ANK2: variants seen among roughly 807,000 people sequenced by gnomAD.
The protein encoded by ANK2 is ankyrin 2.
In ANK2, 83 loss-of-function variants were observed where a neutral mutation model predicts 360.5. The observed-to-expected ratio is 0.23, with a 90% CI of 0.19 to 0.28. The LOEUF (loss-of-function observed/expected upper bound fraction) is 0.28, where lower values mean the gene tolerates loss of function less well. Ranked by LOEUF, ANK2 falls within the 10% of genes least tolerant of loss-of-function variation. The pLI is 1.00. For missense variants in ANK2, 4,201 were observed against 4,795.7 expected, an observed-to-expected ratio of 0.88 and a Z score of 3.66; for synonymous variants, 1,740 against 1,759.5, an observed-to-expected ratio of 0.99 and a Z score of 0.28.
At chr4:112,998,551 T>G (rs2049459030) in intron 2 of ANK2, among the ~76,000 whole-genome samples, 1 of 152,206 alleles carries the variant, frequency 6.6e-6, no homozygotes, top group African/African-American at 2.4e-5. Flanking sequence ...TAATGACTGC[T>G]GCATATTTGA....
Position 113,363,450 on chromosome 4 carries a change from G to A in ANK2, c.10869G>A (p.Arg3623=). Residue 3623 remains arginine (R), a synonymous_variant, in exon 40 of 46, where the codon AGG becomes AGA. Coordinates refer to ENST00000357077, the MANE Select transcript of ANK2 (RefSeq NM_001148.6). The part of the protein sequence containing the change: ...SHALLKYWLE[R]DGKHATDTNL... ...CACTGTTGAAGTACTGGCTAGAGAGGGATGGGAAACATGCTACAGGTAAGT... is the reference window on the plus strand; with the variant it reads ...CACTGTTGAAGTACTGGCTAGAGAGAGATGGGAAACATGCTACAGGTAAGT... The A allele has an allele frequency of 6.2e-7, 1 of 1,613,464 alleles. No homozygotes were observed. The highest frequency in any genetic ancestry group is 8.5e-7 in the Non-Finnish European group (1 of 1,179,598).
chr4:112,898,483 C>T (rs1392932949), intron 1 of ANK2, among the ~76,000 whole-genome samples: 1 of 152,072 alleles, frequency 6.6e-6, no homozygotes, highest in African/African-American at 2.4e-5. Flanking sequence ...GTTTTGATCA[C>T]AGAATAAAGT....
intron 2 of ANK2, among the ~76,000 whole-genome samples, chr4:112,915,433 A>G (rs2089414427): frequency 6.6e-6 from 1 of 152,198 alleles, no homozygotes; most frequent in South Asian, 2.1e-4. Flanking sequence ...AATTTTAAAG[A>G]CTGGTAGCAA....
the ANK2 span, among the ~76,000 whole-genome samples, chr4:112,808,333 C>T: frequency 2.6e-5 from 4 of 152,216 alleles, no homozygotes; most frequent in Admixed American, 2.6e-4. Context: ...AAAATCATGT[C>T]AAATAGGAAA....
At chr4:113,048,047 C>T (rs1178088049), upstream of ANK2, among the ~76,000 whole-genome samples, 1 of 151,634 alleles carries the variant, frequency 6.6e-6, no homozygotes, top group East Asian at 1.9e-4. Context: ...GCAATAGCAA[C>T]ACATTTACAT....
Position 113,174,049 on chromosome 4 carries a change from G to A in ANK2, c.85-367G>A, listed in dbSNP as rs149080432. 1.3e-5 allele frequency: 3 copies of A among 222,488 alleles called. No individual in the cohort carries two copies. The East Asian group carries it at 3.9e-4, about 29-fold the overall frequency. 13.8% of individuals were successfully genotyped at this position (222,488 alleles called of 1,614,324 possible). ...CTGATTCTTTTTTGACTTGAGGTTA[G>A]CTCAGTATAAAGTCACTAGAATCTT... On this transcript the variant is annotated intron_variant, in intron 1 of 45. Coordinates refer to ENST00000357077, the MANE Select transcript of ANK2 (RefSeq NM_001148.6).
the ANK2 span, among the ~76,000 whole-genome samples, chr4:112,717,940 T>A: frequency 6.6e-6 from 1 of 152,356 alleles, no homozygotes; most frequent in South Asian, 2.1e-4. Context: ...ATAGCTGACT[T>A]AGTTCTTTCA....
the ANK2 span, among the ~76,000 whole-genome samples, chr4:112,760,240 T>G: frequency 4.6e-5 from 7 of 151,216 alleles, no homozygotes; most frequent in Admixed American, 1.3e-4. Flanking sequence ...GGGCTGGAGT[T>G]CAGTGGCGCG....
intron 2 of ANK2, among the ~76,000 whole-genome samples, chr4:112,911,576 G>T (rs1477495799): frequency 6.6e-6 from 1 of 152,076 alleles, no homozygotes; most frequent in Non-Finnish European, 1.5e-5. Flanking sequence ...TCCCACTTCA[G>T]CCTGTTGAAT....
At position 113,199,002 on chromosome 4, in the gene ANK2, C is replaced by T. The variant is rs1428896172; in HGVS notation, c.286-9C>T. On this transcript the variant is annotated splice_polypyrimidine_tract_variant and intron_variant, in intron 3 of 45. Coordinates refer to ENST00000357077, the MANE Select transcript of ANK2 (RefSeq NM_001148.6). ...CTTGAACATTTTCTATTTTGTTTCT[C>T]CAAAACAGAAGGGAAATACCGCTCT... The T allele has an allele frequency of 1.2e-6, 2 of 1,605,266 alleles. No individual in the cohort carries two copies. Among genetic ancestry groups the T allele is most frequent in the East Asian group, 4.5e-5 (2 of 44,740 alleles).
At chr4:113,365,319 G>A (rs2096479891) in intron 41 of ANK2, 137 bp downstream of exon 41, 3 of 933,426 alleles carry the variant, frequency 3.2e-6, no homozygotes, top group Admixed American at 2.1e-5. Flanking sequence ...GTGATCATAT[G>A]TTCTTTTCCT....
chr4:112,723,456 C>G, the ANK2 span, among the ~76,000 whole-genome samples: 1 of 152,180 alleles, frequency 6.6e-6, no homozygotes, highest in Admixed American at 6.5e-5. Flanking sequence ...CTCCGCCTCC[C>G]GGGTTCAAGC....
chr4:113,282,853 A>G lies in ANK2; in HGVS notation c.2060A>G (p.Asn687Ser), dbSNP rs29372. Residue 687 changes from asparagine to serine, a missense_variant, in exon 18 of 46, where the codon AAT becomes AGT. Coordinates refer to ENST00000357077, the MANE Select transcript of ANK2 (RefSeq NM_001148.6). Reference sequence around the variant, plus strand: ...ACCTTGCTTCTGGATAAGGGAGCCAATATCCACATGTCAACTAAGGTATTC... The same window carrying G: ...ACCTTGCTTCTGGATAAGGGAGCCAGTATCCACATGTCAACTAAGGTATTC... ...MVTLLLDKGA[N>S]IHMSTKSGLT... The G allele has an allele frequency of 2.2e-4, 353 of 1,613,914 alleles. No individual in the cohort carries two copies. Among genetic ancestry groups the G allele is most frequent in the Non-Finnish European group, 2.9e-4 (337 of 1,179,944 alleles).
At chr4:113,329,841 A>C (rs2091878441) in intron 26 of ANK2, among the ~76,000 whole-genome samples, 1 of 152,196 alleles carries the variant, frequency 6.6e-6, no homozygotes, top group Non-Finnish European at 1.5e-5. Flanking sequence ...GTATTATTTC[A>C]ACATGTAGAT....
rs534578488 is a variant in ANK2 at position 112,953,432 on chromosome 4, G to T, written c.21+48918G>T. Among the ~76,000 whole-genome samples, 8 of 152,340 alleles carry T rather than the reference G, an allele frequency of 5.3e-5. No individual in the cohort carries two copies. In the East Asian group the frequency reaches 1.5e-3, roughly 29 times the overall value. ...CAGGCCAGAGTCTCTTATGACATTC[G>T]AAGTAGGGAGATGTTAATGATGAGG... On this transcript the variant is annotated intron_variant, in intron 2 of 30. Transcript: ENST00000503271.
chr4:113,024,677 A>ACTT (rs771632965), intron 2 of ANK2, among the ~76,000 whole-genome samples: 40 of 152,172 alleles, frequency 2.6e-4, no homozygotes, highest in Non-Finnish European at 4.0e-4. Context: ...CTCCAATGGC[A>ACTT]TTATGCAAAT....
intron 2 of ANK2, among the ~76,000 whole-genome samples, chr4:112,981,085 A>T (rs2042985922): frequency 1.3e-5 from 2 of 152,242 alleles, no homozygotes; most frequent in Admixed American, 6.5e-5. Flanking sequence ...CTGAAAGTGT[A>T]ACTATTTGAG....
intron 45 of ANK2, among the ~76,000 whole-genome samples, chr4:113,379,320 G>A (rs1304733997): frequency 6.6e-6 from 1 of 152,132 alleles, no homozygotes; most frequent in East Asian, 1.9e-4. Context: ...AATTACAGCT[G>A]GTGAATTTGA....
chr4:112,827,144 C>G, intron 1 of ANK2: 1 of 1,142,246 alleles, frequency 8.8e-7, no homozygotes, highest in Non-Finnish European at 1.3e-6. Context: ...TGAATGACTA[C>G]TTACAAGGCA....
Sources: allele counts gnomAD v4.1 joint callset (sites outside exome capture counted in the v4.1 genomes callset), GRCh38; gene constraint gnomAD v4.1.1; transcripts MANE v1.5; gene names NCBI Gene and HGNC (gene_info 2026-07-23, HGNC 2026-07-21).